Variants in CLC observed in about 807,000 individuals in gnomAD.
CLC encodes the protein Charcot-Leyden crystal galectin.
A neutral mutation model predicts 13.9 loss-of-function variants in CLC; 15 were observed. The observed-to-expected ratio is 1.08, with a 90% CI of 0.72 to 1.66. The LOEUF (loss-of-function observed/expected upper bound fraction) is 1.66. CLC is among the 40% of genes most tolerant of loss of function. The pLI is 0.00. For missense variants in CLC, 161 were observed against 169.1 expected, an observed-to-expected ratio of 0.95 and a Z score of 0.27; for synonymous variants, 68 against 59.9, an observed-to-expected ratio of 1.14 and a Z score of -0.63.
chr19:39,734,511 A>T lies in CLC; in HGVS notation c.93-18T>A. The T allele has an allele frequency of 6.2e-7, 1 of 1,604,496 alleles. No homozygotes were observed. Among genetic ancestry groups the T allele is most frequent in the African/African-American group, 1.3e-5 (1 of 74,886 alleles). On this transcript the variant is annotated intron_variant, in intron 2 of 3. Transcript: ENST00000221804. ...GTTCATTCCTGAGGGCAGAGCACACAGTGTTGAGCAGGTCCCTTTCTTGTG... is the reference window on the plus strand; with the variant it reads ...GTTCATTCCTGAGGGCAGAGCACACTGTGTTGAGCAGGTCCCTTTCTTGTG...
Position 39,734,385 on chromosome 19 carries a change from A to T in CLC, c.201T>A (p.Arg67=), listed in dbSNP as rs923970036. The change falls in exon 3 of 4, where the codon CGT becomes CGA. Residue 67 remains arginine, a synonymous_variant. Coordinates refer to ENST00000221804, the MANE Select transcript of CLC (RefSeq NM_001828.6). ...CCTGCTGCTTCCAGGCCCCATACTC[A>T]CGGCTGTTCATGACCACACGACGAC... ...CFGRRVVMNS[R]EYGAWKQQVE... The T allele has an allele frequency of 4.1e-5, 66 of 1,613,968 alleles. No homozygotes were observed. The highest frequency in any genetic ancestry group is 5.4e-5 in the Non-Finnish European group (64 of 1,179,976).
intron 3 of CLC, chr19:39,733,972 A>G (rs1967267036): frequency 1.4e-5 from 14 of 985,212 alleles, no homozygotes; most frequent in Non-Finnish European, 1.6e-5. Flanking sequence ...TGGCAAGTGA[A>G]CCGACATTGA....
intron 1 of CLC, 98 bp from the exon 2 acceptor site, chr19:39,735,171 G>GGGAGGCCTGAGTC: frequency 3.7e-6 from 3 of 816,456 alleles, no homozygotes; most frequent in Non-Finnish European, 6.4e-6. Context: ...AGATCAAGCA[G>GGGAGGCCTGAGTC]TAGACTCAGG....
intron 1 of CLC, 134 bp downstream of exon 1, chr19:39,737,804 T>G: frequency 1.1e-6 from 1 of 883,792 alleles, no homozygotes; most frequent in Non-Finnish European, 1.8e-6. Flanking sequence ...AGCCCTAGGG[T>G]CTCTCTTCCA....
intron 3 of CLC, among the ~76,000 whole-genome samples, chr19:39,732,064 T>C (rs921427083): frequency 9.7e-5 from 8 of 82,282 alleles, no homozygotes; most frequent in African/African-American, 4.2e-4. Flanking sequence ...TTATGGTTAT[T>C]AAATTATTTA....
At chr19:39,734,249 G>T (rs1296774474) in intron 3 of CLC, 34 bp downstream of exon 3, 1 of 1,601,368 alleles carries the variant, frequency 6.2e-7, no homozygotes. Context: ...AGATCCCATG[G>T]AAGCCGGGTG....
chr19:39,734,025 G>C, intron 3 of CLC: 1 of 985,424 alleles, frequency 1.0e-6, no homozygotes, highest in Non-Finnish European at 1.2e-6. Flanking sequence ...GGCAGTGCAA[G>C]GAGAGGTGAT....
chr19:39,734,835 G>T (rs1173094053), intron 2 of CLC, among the ~76,000 whole-genome samples, 162 bp downstream of exon 2: 1 of 152,158 alleles, frequency 6.6e-6, no homozygotes, highest in African/African-American at 2.4e-5. Context: ...TGCAGCTGCT[G>T]TAGGTTTTGT....
chr19:39,731,814 A>G (rs1020606421), intron 3 of CLC, among the ~76,000 whole-genome samples: 2 of 152,142 alleles, frequency 1.3e-5, no homozygotes, highest in African/African-American at 2.4e-5. Flanking sequence ...GTGTTTCATA[A>G]ACTTGAATCC....
rs199834432 is a variant in CLC at position 39,734,489 on chromosome 19, C to A, written c.97G>T (p.Glu33Ter). 10 of 1,613,740 alleles carry A rather than the reference C, an allele frequency of 6.2e-6. No homozygotes were observed. The East Asian group carries it at 2.2e-4, about 36-fold the overall frequency. ...TGGAAATCCACCTGCAGATATGGTT[C>A]ATTCCTGAGGGCAGAGCACACAGTG... is the stretch of plus-strand genomic sequence containing the variant. Reference protein sequence around the residue: ...KGRPLACFLNEPYLQVDFHTE... With the variant: ...KGRPLACFLN Residue 33 changes from glutamate to a stop codon, truncating the protein, a stop_gained, in exon 3 of 4, where the codon GAA (glutamate) becomes TAA (stop). Transcript: ENST00000221804. LOFTEE classifies it high-confidence loss of function.
intron 1 of CLC, among the ~76,000 whole-genome samples, chr19:39,735,781 G>A (rs901487103): frequency 1.4e-4 from 22 of 152,150 alleles, no homozygotes; most frequent in Admixed American, 6.5e-5. Flanking sequence ...CCTGTTGGGG[G>A]TCCTCTATCT....
At chr19:39,735,275 C>T (rs1967291875) in intron 1 of CLC, among the ~76,000 whole-genome samples, 1 of 152,148 alleles carries the variant, frequency 6.6e-6, no homozygotes, top group Non-Finnish European at 1.5e-5. Context: ...ACTGAGCTAC[C>T]TCAATTAGAT....
rs984347826 is a variant in CLC, at chr19:39,734,188, G to C, written c.303+95C>G. The C allele has an allele frequency of 2.0e-5, 28 of 1,427,892 alleles. No homozygotes were observed. The South Asian group carries it at 3.2e-4, about 16-fold the overall frequency. The allele number at this position is 1,427,892 out of a possible 1,614,324, so 88.5% of individuals were successfully genotyped here. The stretch of plus-strand genomic sequence containing the variant: ...GAGTTGTGGGTGATGAAAAGCCGGG[G>C]ACAGAGGGAGTTATCTGGAGTTAGG... On this transcript the variant is annotated intron_variant, in intron 3 of 3. Transcript: ENST00000221804.
rs772592119 is a variant in CLC at position 39,735,015 on chromosome 19, C to A, written c.74G>T (p.Arg25Leu). The change falls in exon 2 of 4, where the codon CGA (arginine) becomes CTA (leucine). Residue 25 changes from arginine to leucine, a missense_variant. Physicochemically the swap from Arg to Leu is moderately radical, Grantham distance 102 (BLOSUM62 -2). Transcript: ENST00000221804. ...STGSTVTIKG[R>L]PLACFLNEPY... is the part of the protein sequence containing the mutation. ...TACTCACAAGAAACAGGCAAGTGGT[C>A]GCCCTTTGATTGTCACAGTAGAACC... 3.7e-6 allele frequency: 6 copies of A among 1,613,010 alleles called. No individual in the cohort carries two copies. The highest frequency in any genetic ancestry group is 1.3e-5 in the African/African-American group (1 of 74,894).
intron 1 of CLC, among the ~76,000 whole-genome samples, chr19:39,736,211 A>T: frequency 6.6e-6 from 1 of 151,954 alleles, no homozygotes; most frequent in African/African-American, 2.4e-5. Context: ...AAAGAAAGAA[A>T]GAAACAACAC....
Position 39,731,278 on chromosome 19 carries a change from A to G in CLC, c.*102T>C. 1 of 1,269,794 alleles carries G rather than the reference A, an allele frequency of 7.9e-7. No individual in the cohort carries two copies. The highest frequency in any genetic ancestry group is 1.3e-5 in the South Asian group (1 of 79,880). 78.7% of individuals were successfully genotyped at this position (1,269,794 alleles called of 1,614,324 possible). ...TGTGAAGTTTGATTAAGTTTTAATG[A>G]GCAGGAGTAAGGATTGAAGTGAGAA... On this transcript the variant is annotated 3_prime_UTR_variant, in exon 4 of 4. Coordinates refer to ENST00000221804, the MANE Select transcript of CLC (RefSeq NM_001828.6).
intron 3 of CLC, among the ~76,000 whole-genome samples, chr19:39,733,665 A>C (rs1967261582): frequency 6.6e-6 from 1 of 152,210 alleles, no homozygotes; most frequent in African/African-American, 2.4e-5. Context: ...CTTTGAGTAC[A>C]ACTCAACTGT....
Position 39,731,520 on chromosome 19 carries a change from A to C in CLC, c.304-15T>G. ...TTGACCATTACCTACAGAAGGAAAA[A>C]AATACATCAGAAAGACAGTATTTCA... On this transcript the variant is annotated splice_polypyrimidine_tract_variant and intron_variant, in intron 3 of 3. Transcript: ENST00000221804. 1 of 1,592,512 alleles carries C rather than the reference A, an allele frequency of 6.3e-7. No individual in the cohort carries two copies. Among genetic ancestry groups the C allele is most frequent in the Non-Finnish European group, 8.6e-7 (1 of 1,165,812 alleles).
intron 1 of CLC, among the ~76,000 whole-genome samples, chr19:39,737,566 C>T (rs1209344829): frequency 6.6e-6 from 1 of 152,040 alleles, no homozygotes; most frequent in Non-Finnish European, 1.5e-5. Context: ...TCCGGCTGTG[C>T]TCACACACAC....
Sources: gnomAD v4.1 joint callset for allele counts (sites outside exome capture counted in the v4.1 genomes callset) on GRCh38, gnomAD v4.1.1 for gene constraint, MANE v1.5 for transcripts, NCBI Gene and HGNC (gene_info 2026-07-23, HGNC 2026-07-21) for gene names.